Variants in HS3ST4 observed in about 807,000 individuals in gnomAD.
The protein encoded by HS3ST4 is heparan sulfate-glucosamine 3-sulfotransferase 4, also known as heparan sulfate glucosamine 3-O-sulfotransferase 4.
HS3ST4 carries 17 observed loss-of-function variants against 29.2 expected under a neutral mutation model. That is an observed-to-expected ratio of 0.58 (90% confidence interval 0.40 to 0.87). The LOEUF (loss-of-function observed/expected upper bound fraction) is 0.87. HS3ST4 is among the 40% of genes least tolerant of loss of function. The pLI is 0.00. For missense variants in HS3ST4, 627 were observed against 634.5 expected (o/e 0.99, Z 0.13); for synonymous variants, 314 against 285.7 (o/e 1.10, Z -1.00).
chr16:25,876,930 C>T (rs1057133359), intron 1 of HS3ST4, among the ~76,000 whole-genome samples: 1 of 151,966 alleles, frequency 6.6e-6, no homozygotes, highest in African/African-American at 2.4e-5. Flanking sequence ...GTTTTTCTCC[C>T]CTACTAGGCT....
At chr16:25,872,771 G>A (rs902424690) in intron 1 of HS3ST4, among the ~76,000 whole-genome samples, 2 of 152,172 alleles carry the variant, frequency 1.3e-5, no homozygotes, top group South Asian at 4.1e-4. Flanking sequence ...CACTTGATGG[G>A]AAGAACTACA....
intron 1 of HS3ST4, among the ~76,000 whole-genome samples, chr16:25,754,666 G>A (rs999713700): frequency 6.6e-6 from 1 of 152,156 alleles, no homozygotes; most frequent in Non-Finnish European, 1.5e-5. Context: ...AGTGCCCAGT[G>A]AAGGGGAAAG....
chr16:25,850,190 A>G (rs12708685), intron 1 of HS3ST4, among the ~76,000 whole-genome samples: 44,397 of 151,496 alleles, frequency 0.29, 6,944 homozygotes, highest in Admixed American at 0.35. Flanking sequence ...GTAGAGATGG[A>G]GTTTCTCCAT....
chr16:25,792,507 C>A (rs1966871462), intron 1 of HS3ST4, among the ~76,000 whole-genome samples: 1 of 151,980 alleles, frequency 6.6e-6, no homozygotes. Context: ...AGGCTCACCA[C>A]ATCTTCCTGC....
chr16:26,082,250 A>G (rs1288683344), intron 1 of HS3ST4, among the ~76,000 whole-genome samples: 1 of 152,146 alleles, frequency 6.6e-6, no homozygotes, highest in African/African-American at 2.4e-5. Context: ...ACATGACTAC[A>G]ACCATTCTTC....
At chr16:25,695,959 A>G (rs1966293016) in intron 1 of HS3ST4, among the ~76,000 whole-genome samples, 1 of 152,188 alleles carries the variant, frequency 6.6e-6, no homozygotes, top group African/African-American at 2.4e-5. Flanking sequence ...GTTTTCTCAT[A>G]TTCAACTCAA....
At chr16:25,925,077 CAGAATGG>C (rs1159261782) in intron 1 of HS3ST4, among the ~76,000 whole-genome samples, 3 of 151,920 alleles carry the variant, frequency 2.0e-5, no homozygotes, top group African/African-American at 7.3e-5. Flanking sequence ...AGACAGCAGT[CAGAATGG>C]AGGTTGGAAA....
chr16:26,108,825 C>CT (rs1391269783), intron 1 of HS3ST4, among the ~76,000 whole-genome samples: 3 of 152,128 alleles, frequency 2.0e-5, no homozygotes, highest in Non-Finnish European at 4.4e-5. Context: ...TCTTACCGGA[C>CT]TTAGCAGAGT....
At chr16:25,704,355 G>C (rs561472135) in intron 1 of HS3ST4, among the ~76,000 whole-genome samples, 18 of 152,152 alleles carry the variant, frequency 1.2e-4, no homozygotes, top group Non-Finnish European at 1.8e-4. Context: ...ATTCCTCACA[G>C]TGGCCTCATG....
intron 1 of HS3ST4, among the ~76,000 whole-genome samples, chr16:25,737,366 A>C (rs111746389): frequency 0.22 from 6,190 of 27,782 alleles, 429 homozygotes; most frequent in African/African-American, 0.44. Flanking sequence ...GACCCCCCCC[A>C]CACACAAACA....
chr16:25,819,956 A>C (rs1345189315), intron 1 of HS3ST4, among the ~76,000 whole-genome samples: 1 of 127,850 alleles, frequency 7.8e-6, no homozygotes, highest in Non-Finnish European at 1.6e-5. Flanking sequence ...GGCTGCAGTG[A>C]GCCGAGATCG....
At chr16:26,082,044 C>A (rs1277389577) in intron 1 of HS3ST4, among the ~76,000 whole-genome samples, 3 of 152,170 alleles carry the variant, frequency 2.0e-5, no homozygotes, top group Non-Finnish European at 2.9e-5. Flanking sequence ...ATTCACCCGC[C>A]TTGGCCTCCC....
chr16:26,036,793 G>A (rs551600450), intron 1 of HS3ST4, among the ~76,000 whole-genome samples: 144 of 152,242 alleles, frequency 9.5e-4, no homozygotes, highest in Non-Finnish European at 1.7e-3. Context: ...TTTCTTTGCT[G>A]CAGACACAGA....
chr16:26,086,152 G>T (rs1898784149), intron 1 of HS3ST4, among the ~76,000 whole-genome samples: 1 of 151,872 alleles, frequency 6.6e-6, no homozygotes, highest in South Asian at 2.1e-4. Flanking sequence ...CATGTCCCTT[G>T]CTCAAATGAC....
At chr16:25,775,688 C>G (rs2141612818) in intron 1 of HS3ST4, among the ~76,000 whole-genome samples, 1 of 152,310 alleles carries the variant, frequency 6.6e-6, no homozygotes, top group South Asian at 2.1e-4. Context: ...GCTCTTCCTC[C>G]TCTTTGCCAA....
At chr16:25,779,410 GC>G (rs1254208581) in intron 1 of HS3ST4, among the ~76,000 whole-genome samples, 1 of 152,206 alleles carries the variant, frequency 6.6e-6, no homozygotes, top group East Asian at 1.9e-4. Flanking sequence ...AGGATCCAAG[GC>G]TATGTAAGTC....
intron 1 of HS3ST4, among the ~76,000 whole-genome samples, chr16:25,952,101 G>A (rs1310147042): frequency 1.3e-5 from 2 of 152,308 alleles, no homozygotes; most frequent in African/African-American, 4.8e-5. Context: ...ATGCCCAACT[G>A]TTTATGTAGT....
Position 25,693,096 on chromosome 16 carries a change from G to A in HS3ST4, c.679G>A (p.Gly227Ser). Reference protein sequence around the residue: ...IRVHPDVRAVGVEPHFFDRNY... With the variant: ...IRVHPDVRAVSVEPHFFDRNY... The stretch of plus-strand genomic sequence containing the variant: ...CGTGCACCCGGACGTGCGGGCGGTG[G>A]GCGTAGAGCCGCACTTCTTCGACAG... The change falls in exon 1 of 2, where the codon GGC becomes AGC. Residue 227 changes from glycine (G) to serine (S), a missense_variant. Transcript: ENST00000331351. 2 of 1,609,512 alleles carry A rather than the reference G, an allele frequency of 1.2e-6. No homozygotes were observed. Among genetic ancestry groups the A allele is most frequent in the Non-Finnish European group, 1.7e-6 (2 of 1,178,234 alleles).
intron 1 of HS3ST4, among the ~76,000 whole-genome samples, chr16:25,775,053 G>A (rs1359412612): frequency 1.3e-5 from 2 of 152,162 alleles, no homozygotes; most frequent in African/African-American, 2.4e-5. Context: ...TGACTGAGTC[G>A]CTGTCGCACC....
Sources: allele counts gnomAD v4.1 joint callset (sites outside exome capture counted in the v4.1 genomes callset), GRCh38; gene constraint gnomAD v4.1.1; transcripts MANE v1.5; gene names NCBI Gene and HGNC (gene_info 2026-07-23, HGNC 2026-07-21).